The following MMP26 variants were observed in gnomAD, a reference collection of about 807,000 sequenced individuals.
The protein encoded by MMP26 is matrix metallopeptidase 26.
A neutral mutation model predicts 31.0 loss-of-function variants in MMP26; 33 were observed. The ratio of observed to expected loss-of-function variants is 1.06; its 90% CI spans 0.81 to 1.42. The LOEUF is 1.42. Ranked by LOEUF, MMP26 falls within the 40% of genes most tolerant of loss-of-function variation. The probability of loss-of-function intolerance (pLI) is 0.00; values close to 1 mark genes in which losing one functional copy is unlikely to be tolerated. For missense variants in MMP26, 347 were observed against 316.1 expected, an observed-to-expected ratio of 1.10 and a Z score of -0.74; for synonymous variants, 122 against 114.9, an observed-to-expected ratio of 1.06 and a Z score of -0.40.
intron 2 of MMP26, among the ~76,000 whole-genome samples, chr11:4,929,397 G>T (rs1851315527): frequency 6.6e-6 from 1 of 152,038 alleles, no homozygotes; most frequent in African/African-American, 2.4e-5. Flanking sequence ...TTTGTCAGCA[G>T]GTACTATCAC....
intron 1 of MMP26, chr11:4,723,265 G>A: frequency 8.8e-7 from 1 of 1,136,682 alleles, no homozygotes; most frequent in Non-Finnish European, 1.3e-6. Context: ...TCATCTTGCA[G>A]ATCTCAGTCT....
chr11:4,714,920 T>TCTCTCTCTCTCA (rs376354906), intron 1 of MMP26, among the ~76,000 whole-genome samples: 20 of 141,784 alleles, frequency 1.4e-4, no homozygotes, highest in African/African-American at 4.3e-4. Flanking sequence ...TCTCTCTCTC[T>TCTCTCTCTCTCA]CACACACACA....
intron 2 of MMP26, among the ~76,000 whole-genome samples, chr11:4,917,381 A>G (rs917292253): frequency 1.3e-5 from 2 of 152,224 alleles, no homozygotes; most frequent in African/African-American, 4.8e-5. Context: ...GATATAAACA[A>G]TGATTACTCT....
chr11:4,939,499 A>G (rs917765671), intron 2 of MMP26, among the ~76,000 whole-genome samples: 2 of 152,072 alleles, frequency 1.3e-5, no homozygotes, highest in African/African-American at 4.8e-5. Context: ...CAAAGTTGTT[A>G]TCTGTATAGG....
chr11:4,848,141 G>T, intron 2 of MMP26: 1 of 1,299,676 alleles, frequency 7.7e-7, no homozygotes, highest in Non-Finnish European at 1.1e-6. Context: ...GCACTTATGT[G>T]TACGTGAATG....
intron 1 of MMP26, among the ~76,000 whole-genome samples, chr11:4,753,554 A>C (rs1010037264): frequency 6.6e-6 from 1 of 152,058 alleles, no homozygotes; most frequent in Non-Finnish European, 1.5e-5. Context: ...TTCAGTATGC[A>C]TTTGTCACTT....
intron 2 of MMP26, among the ~76,000 whole-genome samples, chr11:4,867,046 C>T (rs1046498147): frequency 2.0e-5 from 3 of 151,888 alleles, no homozygotes; most frequent in African/African-American, 7.3e-5. Context: ...GACAAAGATG[C>T]CAAAAACAAT....
intron 1 of MMP26, among the ~76,000 whole-genome samples, chr11:4,763,251 A>G (rs1039855245): frequency 6.6e-6 from 1 of 152,190 alleles, no homozygotes; most frequent in Admixed American, 6.5e-5. Context: ...ATAGACATAA[A>G]GGCCAAAGGA....
At chr11:4,746,562 G>C (rs755130292) in intron 1 of MMP26, among the ~76,000 whole-genome samples, 1 of 152,144 alleles carries the variant, frequency 6.6e-6, no homozygotes, top group African/African-American at 2.4e-5. Context: ...TTGGGGCCGG[G>C]CATGGTGGCT....
At chr11:4,940,077 T>G (rs912117540) in intron 2 of MMP26, among the ~76,000 whole-genome samples, 12 of 151,518 alleles carry the variant, frequency 7.9e-5, no homozygotes, top group African/African-American at 2.9e-4. Context: ...ATTATTATAT[T>G]ATATATTATT....
chr11:4,795,831 AGAGAGAGAGAGG>A (rs1050089764), intron 2 of MMP26, among the ~76,000 whole-genome samples: 1 of 144,366 alleles, frequency 6.9e-6, no homozygotes, highest in African/African-American at 2.6e-5. Flanking sequence ...GGAGAGAGAA[AGAGAGAGAGAGG>A]GAGAGAGAGA....
intron 1 of MMP26, among the ~76,000 whole-genome samples, chr11:4,757,793 G>GA (rs1412063045): frequency 7.8e-6 from 1 of 128,048 alleles, no homozygotes; most frequent in Non-Finnish European, 1.7e-5. Context: ...ATAAGAAACA[G>GA]AAAAAAAGAG....
intron 2 of MMP26, among the ~76,000 whole-genome samples, chr11:4,817,460 A>G (rs887165506): frequency 2.0e-5 from 3 of 152,042 alleles, no homozygotes; most frequent in African/African-American, 7.2e-5. Context: ...GGTGGTATGC[A>G]CCTGTAGTCC....
At chr11:4,799,469 A>C (rs1326991980) in intron 2 of MMP26, among the ~76,000 whole-genome samples, 1 of 152,196 alleles carries the variant, frequency 6.6e-6, no homozygotes, top group Non-Finnish European at 1.5e-5. Flanking sequence ...CATTCATGAG[A>C]GATCGACCCT....
chr11:4,835,243 C>T (rs1190404652), intron 2 of MMP26, among the ~76,000 whole-genome samples: 1 of 142,346 alleles, frequency 7.0e-6, no homozygotes, highest in East Asian at 1.9e-4. Context: ...CATACACACA[C>T]GAGTAACATT....
At chr11:4,849,068 T>G (rs11601065) in intron 2 of MMP26, 434,225 of 1,613,686 alleles carry the variant, frequency 0.27, 63,182 homozygotes, top group South Asian at 0.35. Context: ...CATTTCCCAG[T>G]GCAGAGAGAA....
intron 1 of MMP26, chr11:4,723,548 G>T: frequency 8.4e-7 from 1 of 1,195,198 alleles, no homozygotes; most frequent in Non-Finnish European, 1.2e-6. Flanking sequence ...CCTTCCAGGA[G>T]AGACTCCAGC....
At chr11:4,947,377 A>C (rs1471538848) in intron 2 of MMP26, among the ~76,000 whole-genome samples, 1 of 125,244 alleles carries the variant, frequency 8.0e-6, no homozygotes, top group Non-Finnish European at 1.8e-5. Flanking sequence ...TTAGTTACGC[A>C]TCTGATTTCA....
chr11:4,921,377 A>AAATAC (rs1851181962), intron 2 of MMP26, among the ~76,000 whole-genome samples: 1 of 152,216 alleles, frequency 6.6e-6, no homozygotes, highest in Admixed American at 6.5e-5. Flanking sequence ...AACATGGATA[A>AAATAC]AATACAATAA....
Sources: gnomAD v4.1 joint callset for allele counts (sites outside exome capture counted in the v4.1 genomes callset) on GRCh38, gnomAD v4.1.1 for gene constraint, MANE v1.5 for transcripts, NCBI Gene and HGNC (gene_info 2026-07-23, HGNC 2026-07-21) for gene names.